The following SERINC5 variants were observed in gnomAD, a reference collection of about 807,000 sequenced individuals.
The protein encoded by SERINC5 is serine incorporator 5, also known as chromosome 5 open reading frame 12.
A neutral mutation model predicts 63.1 loss-of-function variants in SERINC5; 41 were observed. The observed-to-expected ratio is 0.65, with a 90% CI of 0.51 to 0.84. The LOEUF is 0.84. Ranked by LOEUF, SERINC5 falls within the 40% of genes least tolerant of loss-of-function variation. SERINC5 has a pLI of 0.00. For missense variants in SERINC5, 523 were observed against 573.0 expected (o/e 0.91, Z 0.89); for synonymous variants, 222 against 215.2 (o/e 1.03, Z -0.28).
At position 80,233,003 on chromosome 5, in the gene SERINC5, T is replaced by C. The variant is rs151097433; in HGVS notation, c.27+22893A>G. Among the ~76,000 whole-genome samples, 64 of 152,306 alleles carry C rather than the reference T, an allele frequency of 4.2e-4. 2 individuals carry two copies. In the East Asian group the frequency reaches 0.011, roughly 27 times the overall value. ...AACTGGGAGTGACTGCTAATAAGCA[T>C]AGAGGTGACAAAAACTAAGTTGTCA... is the stretch of plus-strand genomic sequence containing the variant. On this transcript the variant is annotated intron_variant, in intron 1 of 11. Coordinates refer to ENST00000507668, the MANE Select transcript of SERINC5 (RefSeq NM_001174072.3).
At chr5:80,153,315 G>A (rs755604004) in intron 8 of SERINC5, among the ~76,000 whole-genome samples, 4 of 151,696 alleles carry the variant, frequency 2.6e-5, no homozygotes, top group Non-Finnish European at 4.4e-5. Flanking sequence ...AAAATTAGCC[G>A]GGCATGGTGG....
intron 6 of SERINC5, among the ~76,000 whole-genome samples, chr5:80,168,353 T>C (rs908998474): frequency 5.9e-5 from 9 of 152,028 alleles, no homozygotes; most frequent in Non-Finnish European, 1.0e-4. Context: ...TGTCCCACCA[T>C]GGCTGGCTAA....
At chr5:80,183,518 C>T (rs113103717) in intron 2 of SERINC5, among the ~76,000 whole-genome samples, 4,631 of 152,142 alleles carry the variant, frequency 0.03, 243 homozygotes, top group African/African-American at 0.11. Flanking sequence ...GTGACTTGCA[C>T]GTATACGCCC....
In SERINC5 at chr5:80,230,459, A is replaced by AAAAAAAAAAAAG. The variant is rs70982042; in HGVS notation, c.27+25436_27+25437insCTTTTTTTTTTT. On this transcript the variant is annotated intron_variant, in intron 1 of 11. Transcript: ENST00000507668. ...CAAGACTGTCACAAAAAAAAAAAAA[A>AAAAAAAAAAAAG]AAAGAAACCATTGCTCTTCAAATTT... is the stretch of plus-strand genomic sequence containing the variant. 7.4e-3 allele frequency among the ~76,000 whole-genome samples: 951 copies of AAAAAAAAAAAAG among 128,462 alleles called. 39 individuals are homozygous for AAAAAAAAAAAAG. The highest frequency in any genetic ancestry group is 0.019 in the African/African-American group (599 of 31,946). 84.3% of individuals were successfully genotyped at this position (128,462 alleles called of 152,430 possible).
intron 8 of SERINC5, 121 bp from the exon 9 acceptor site, chr5:80,151,069 A>T: frequency 1.3e-6 from 1 of 744,736 alleles, no homozygotes; most frequent in Admixed American, 2.0e-5. Flanking sequence ...CGTTCAGGAG[A>T]CTTAAATCAA....
intron 1 of SERINC5, among the ~76,000 whole-genome samples, chr5:80,217,143 TTAAAA>T (rs1045170750): frequency 1.8e-4 from 27 of 152,010 alleles, no homozygotes; most frequent in African/African-American, 6.0e-4. Context: ...AAATTTTTAA[TTAAAA>T]TAAGTTTATT....
At chr5:80,236,331 G>A (rs1751686188) in intron 1 of SERINC5, among the ~76,000 whole-genome samples, 2 of 152,074 alleles carry the variant, frequency 1.3e-5, no homozygotes, top group Non-Finnish European at 2.9e-5. Flanking sequence ...ACCAGTAAAT[G>A]GCTGAGAACA....
At chr5:80,168,945 C>T (rs1478258109) in intron 6 of SERINC5, among the ~76,000 whole-genome samples, 1 of 152,128 alleles carries the variant, frequency 6.6e-6, no homozygotes, top group Non-Finnish European at 1.5e-5. Flanking sequence ...GAAAGATGAC[C>T]CCAGAACCAA....
chr5:80,244,794 C>T (rs2112600078), intron 1 of SERINC5, among the ~76,000 whole-genome samples: 1 of 152,236 alleles, frequency 6.6e-6, no homozygotes, highest in African/African-American at 2.4e-5. Context: ...TGCACTCCAG[C>T]CTGGGTGACA....
chr5:80,135,140 T>G (rs1033862663), downstream of SERINC5, among the ~76,000 whole-genome samples: 32 of 152,156 alleles, frequency 2.1e-4, no homozygotes, highest in Admixed American at 6.5e-5. Context: ...CACAACTCAC[T>G]ATAACCTCTG....
chr5:80,164,910 GTTTTTTTTTT>G (rs70982026), intron 7 of SERINC5, among the ~76,000 whole-genome samples: 3 of 85,180 alleles, frequency 3.5e-5, no homozygotes, highest in African/African-American at 9.8e-5. Flanking sequence ...CTTTTTTTCT[GTTTTTTTTTT>G]TTTTTTTTTT....
At chr5:80,183,263 C>CT (rs1748573174) in intron 2 of SERINC5, among the ~76,000 whole-genome samples, 1 of 152,082 alleles carries the variant, frequency 6.6e-6, no homozygotes, top group Non-Finnish European at 1.5e-5. Flanking sequence ...TTGTTTTCTT[C>CT]TTTTTTTATG....
chr5:80,145,274 C>A (rs540361556), intron 11 of SERINC5, among the ~76,000 whole-genome samples: 43 of 151,968 alleles, frequency 2.8e-4, no homozygotes, highest in Admixed American at 1.4e-3. Context: ...AACCCAGGGG[C>A]GGAGGTTGCA....
intron 11 of SERINC5, among the ~76,000 whole-genome samples, chr5:80,120,274 G>A (rs1744491752): frequency 6.6e-6 from 1 of 152,188 alleles, no homozygotes; most frequent in East Asian, 1.9e-4. Context: ...ATGGTTCTAA[G>A]TTATAGTACC....
intron 1 of SERINC5, among the ~76,000 whole-genome samples, chr5:80,230,298 C>G (rs1751378306): frequency 6.6e-6 from 1 of 151,970 alleles, no homozygotes; most frequent in African/African-American, 2.4e-5. Flanking sequence ...TGGTGAAACC[C>G]TGACTCTACT....
chr5:80,233,501 A>G (rs1346459354), intron 1 of SERINC5, among the ~76,000 whole-genome samples: 1 of 152,114 alleles, frequency 6.6e-6, no homozygotes, highest in African/African-American at 2.4e-5. Flanking sequence ...AAAAAACTCA[A>G]TAATTCTAAA....
intron 2 of SERINC5, among the ~76,000 whole-genome samples, chr5:80,179,141 A>G (rs1285212100): frequency 6.6e-6 from 1 of 152,094 alleles, no homozygotes; most frequent in African/African-American, 2.4e-5. Context: ...TCTACTAAAA[A>G]TACAATAATG....
chr5:80,255,139 AC>A (rs1300802715), intron 1 of SERINC5: 2 of 152,250 alleles, frequency 1.3e-5, no homozygotes, highest in African/African-American at 2.4e-5. Context: ...CAGGGCTAAG[AC>A]GTACTAATTC....
intron 5 of SERINC5, among the ~76,000 whole-genome samples, chr5:80,171,972 TATATAAC>T (rs1328569538): frequency 6.6e-6 from 1 of 152,144 alleles, no homozygotes; most frequent in Non-Finnish European, 1.5e-5. Context: ...ATTTGATTAC[TATATAAC>T]ATATATGTAT....
Sources: allele counts gnomAD v4.1 joint callset (sites outside exome capture counted in the v4.1 genomes callset), GRCh38; gene constraint gnomAD v4.1.1; transcripts MANE v1.5; gene names NCBI Gene and HGNC (gene_info 2026-07-23, HGNC 2026-07-21).